The following OXCT1 variants were observed in gnomAD, a reference collection of about 807,000 sequenced individuals.
OXCT1 encodes 3-oxoacid CoA-transferase 1.
Under a neutral mutation model 69.6 loss-of-function variants are expected in OXCT1, and 27 were observed. The ratio of observed to expected loss-of-function variants is 0.39; its 90% confidence interval spans 0.29 to 0.54. OXCT1 has a LOEUF of 0.54. Ranked by LOEUF, OXCT1 falls within the 20% of genes least tolerant of loss-of-function variation. The pLI is 0.72. For synonymous variants in OXCT1, 202 were observed against 217.8 expected (o/e 0.93, Z 0.64); for missense variants, 437 against 650.2 (o/e 0.67, Z 3.57).
At chr5:41,844,459 C>T (rs1748794894) in intron 5 of OXCT1, among the ~76,000 whole-genome samples, 1 of 151,942 alleles carries the variant, frequency 6.6e-6, no homozygotes, top group African/African-American at 2.4e-5. Context: ...CCCTGGGTTT[C>T]TTCTTTACTT....
At chr5:41,854,989 G>A (rs181914084) in intron 3 of OXCT1, among the ~76,000 whole-genome samples, 178 of 152,264 alleles carry the variant, frequency 1.2e-3, no homozygotes, top group African/African-American at 4.2e-3. Context: ...AAAATTCATA[G>A]CAGCACTGTT....
At chr5:41,769,702 C>T (rs1464815892) in intron 13 of OXCT1, among the ~76,000 whole-genome samples, 1 of 151,954 alleles carries the variant, frequency 6.6e-6, no homozygotes. Flanking sequence ...ACCTGGTCGA[C>T]AGAGAGAAAC....
intron 13 of OXCT1, among the ~76,000 whole-genome samples, chr5:41,769,281 C>A (rs1579697633): frequency 6.6e-6 from 1 of 152,072 alleles, no homozygotes; most frequent in African/African-American, 2.4e-5. Context: ...CCCTTCCCCC[C>A]AAAATTTAAT....
Position 41,749,520 on chromosome 5 carries a change from T to G in OXCT1, c.1419+7A>C. On this transcript the variant is annotated splice_region_variant and intron_variant, in intron 15 of 16. Transcript: ENST00000196371. ...AACATGGTAATAGTAGAAAAAGCAC[T>G]TTTTACCTTTTCAGTAATAATGCGG... The G allele has an allele frequency of 6.3e-7, 1 of 1,589,104 alleles. No individual in the cohort carries two copies. The highest frequency in any genetic ancestry group is 8.6e-7 in the Non-Finnish European group (1 of 1,158,516).
chr5:41,814,535 C>T (rs377581238), intron 7 of OXCT1, among the ~76,000 whole-genome samples: 1 of 152,030 alleles, frequency 6.6e-6, no homozygotes, highest in East Asian at 1.9e-4. Flanking sequence ...CCATGGAATA[C>T]TATGCAGCCA....
chr5:41,743,305 T>C (rs1329409411), intron 15 of OXCT1, among the ~76,000 whole-genome samples: 22 of 152,226 alleles, frequency 1.4e-4, no homozygotes, highest in Non-Finnish European at 2.6e-4. Flanking sequence ...TCATATCCTT[T>C]ACCCACTTTT....
intron 7 of OXCT1, among the ~76,000 whole-genome samples, chr5:41,820,638 A>G (rs189157846): frequency 3.5e-4 from 54 of 152,318 alleles, no homozygotes; most frequent in African/African-American, 1.3e-3. Flanking sequence ...AAGAAACATT[A>G]GGTATGGACA....
At chr5:41,857,856 T>C (rs1169878698) in intron 3 of OXCT1, among the ~76,000 whole-genome samples, 1 of 152,252 alleles carries the variant, frequency 6.6e-6, no homozygotes, top group Non-Finnish European at 1.5e-5. Flanking sequence ...AATAAAGTTG[T>C]AATAAAATAA....
chr5:41,853,681 T>A, intron 3 of OXCT1, 127 bp from the exon 4 acceptor site: 1 of 1,048,560 alleles, frequency 9.5e-7, no homozygotes. Context: ...TTGATCCACA[T>A]TCTTAGTCTC....
chr5:41,747,382 C>T (rs988880374), intron 15 of OXCT1, among the ~76,000 whole-genome samples: 1 of 152,080 alleles, frequency 6.6e-6, no homozygotes, highest in African/African-American at 2.4e-5. Context: ...CGAGGCTCAC[C>T]ATTCAATCCA....
intron 7 of OXCT1, among the ~76,000 whole-genome samples, chr5:41,821,282 A>G (rs1452609822): frequency 6.6e-6 from 1 of 152,230 alleles, no homozygotes; most frequent in Admixed American, 6.5e-5. Flanking sequence ...CTCTTTATGA[A>G]AGTCAGTACA....
chr5:41,744,178 C>T (rs1203190765), intron 15 of OXCT1, among the ~76,000 whole-genome samples: 1 of 152,044 alleles, frequency 6.6e-6, no homozygotes, highest in East Asian at 1.9e-4. Context: ...TGAAGAGGTC[C>T]TTCAGGTCCC....
At chr5:41,786,048 A>G (rs1392881842) in intron 13 of OXCT1, among the ~76,000 whole-genome samples, 1 of 152,204 alleles carries the variant, frequency 6.6e-6, no homozygotes, top group Non-Finnish European at 1.5e-5. Context: ...TGAGAGAGGA[A>G]CAACCTCAAC....
intron 3 of OXCT1, among the ~76,000 whole-genome samples, chr5:41,858,303 A>C (rs1037447183): frequency 6.6e-6 from 1 of 152,210 alleles, no homozygotes; most frequent in Admixed American, 6.5e-5. Flanking sequence ...GATGATAAAA[A>C]ATTAGTAAGA....
At chr5:41,753,739 C>T (rs890375832) in intron 14 of OXCT1, among the ~76,000 whole-genome samples, 1 of 152,056 alleles carries the variant, frequency 6.6e-6, no homozygotes, top group Non-Finnish European at 1.5e-5. Flanking sequence ...TATTTTTCTT[C>T]ATATGTACAG....
chr5:41,817,671 C>A (rs1230780126), intron 7 of OXCT1, among the ~76,000 whole-genome samples: 1 of 152,182 alleles, frequency 6.6e-6, no homozygotes, highest in Non-Finnish European at 1.5e-5. Flanking sequence ...ATTTACAAGG[C>A]CAGTTTATTT....
Position 41,803,062 on chromosome 5 carries a change from A to G in OXCT1, c.1050+7T>C, listed in dbSNP as rs1454277561. 19 of 1,591,140 alleles carry G rather than the reference A, an allele frequency of 1.2e-5. No homozygotes were observed. Among genetic ancestry groups the G allele is most frequent in the Non-Finnish European group, 1.6e-5 (19 of 1,159,594 alleles). On this transcript the variant is annotated splice_region_variant and intron_variant, in intron 10 of 16. Transcript: ENST00000196371. ...ACTGGATTTTAGAAAACAAATTTTC[A>G]TCTTACCAAACCCAGAACTCCATTT...
intron 4 of OXCT1, among the ~76,000 whole-genome samples, chr5:41,850,711 A>G (rs1191182078): frequency 6.6e-6 from 1 of 152,204 alleles, no homozygotes; most frequent in Non-Finnish European, 1.5e-5. Flanking sequence ...ATACTGGTAA[A>G]TTGGTTTTTA....
chr5:41,783,041 T>C (rs1745486534), intron 13 of OXCT1, among the ~76,000 whole-genome samples: 1 of 152,238 alleles, frequency 6.6e-6, no homozygotes, highest in Non-Finnish European at 1.5e-5. Context: ...AAGAATCCTT[T>C]TATAAAGAAA....
Sources: allele counts gnomAD v4.1 joint callset (sites outside exome capture counted in the v4.1 genomes callset), GRCh38; gene constraint gnomAD v4.1.1; transcripts MANE v1.5; gene names NCBI Gene and HGNC (gene_info 2026-07-23, HGNC 2026-07-21).